The following MAGI2 variants were observed in gnomAD, a reference collection of about 807,000 sequenced individuals.
The protein encoded by MAGI2 is membrane-associated guanylate kinase, WW and PDZ domain-containing protein 2.
In MAGI2, 35 loss-of-function variants were observed where a neutral mutation model predicts 133.3. That is an observed-to-expected ratio of 0.26 (90% CI 0.20 to 0.35). The LOEUF (loss-of-function observed/expected upper bound fraction) is 0.35. Among genes scored for constraint, MAGI2 ranks in the 10% least tolerant of loss-of-function variants. The pLI is 1.00. For missense variants in MAGI2, 1,636 were observed against 1,863.4 expected (o/e 0.88, Z 2.25); for synonymous variants, 729 against 710.6 (o/e 1.03, Z -0.41).
At chr7:78,880,803 C>T (rs576362383) in intron 2 of MAGI2, among the ~76,000 whole-genome samples, 57 of 152,166 alleles carry the variant, frequency 3.7e-4, no homozygotes, top group African/African-American at 1.3e-3. Flanking sequence ...AATTAAGACC[C>T]ATTTTCCTGC....
At chr7:78,339,242 A>G (rs1371269326) in intron 9 of MAGI2, among the ~76,000 whole-genome samples, 6 of 152,228 alleles carry the variant, frequency 3.9e-5, no homozygotes, top group Non-Finnish European at 8.8e-5. Flanking sequence ...AGTTAAATGC[A>G]TAGAGGACTA....
At chr7:78,432,220 AG>A (rs1799862549) in intron 6 of MAGI2, among the ~76,000 whole-genome samples, 1 of 151,444 alleles carries the variant, frequency 6.6e-6, no homozygotes, top group Non-Finnish European at 1.5e-5. Flanking sequence ...AAAAAAAAAA[AG>A]GCAAAACTAG....
chr7:78,802,040 GTTC>G (rs1788107910), intron 2 of MAGI2, among the ~76,000 whole-genome samples: 1 of 152,088 alleles, frequency 6.6e-6, no homozygotes, highest in South Asian at 2.1e-4. Context: ...AGAGTTTTCT[GTTC>G]TTCCAGATCA....
At chr7:78,645,986 G>T (rs1176696717) in intron 2 of MAGI2, among the ~76,000 whole-genome samples, 1 of 152,114 alleles carries the variant, frequency 6.6e-6, no homozygotes, top group African/African-American at 2.4e-5. Context: ...TGAGTTGCCC[G>T]CCTTGGCCTC....
At position 78,787,749 on chromosome 7, in the gene MAGI2, C is replaced by A. The variant is rs1826956025; in HGVS notation, c.419-160510G>T. Among the ~76,000 whole-genome samples the A allele has an allele frequency of 2.0e-5, 3 of 152,214 alleles. No homozygotes were observed. The South Asian group carries it at 6.2e-4, about 32-fold the overall frequency. On this transcript the variant is annotated intron_variant, in intron 2 of 21. Coordinates refer to ENST00000354212, the MANE Select transcript of MAGI2 (RefSeq NM_012301.4). ...TTAAACTCTCACATTACAAATAAATCATCAGAAAGTGCCTAGAAGTATAGA... is the reference window on the plus strand; with the variant it reads ...TTAAACTCTCACATTACAAATAAATAATCAGAAAGTGCCTAGAAGTATAGA...
intron 2 of MAGI2, among the ~76,000 whole-genome samples, chr7:78,755,030 C>A (rs1585301698): frequency 6.6e-6 from 1 of 152,192 alleles, no homozygotes; most frequent in East Asian, 1.9e-4. Flanking sequence ...AATTTGCTTT[C>A]ATATGCACTG....
intron 16 of MAGI2, among the ~76,000 whole-genome samples, chr7:78,156,994 C>A (rs749739214): frequency 6.6e-6 from 1 of 152,132 alleles, no homozygotes; most frequent in Non-Finnish European, 1.5e-5. Context: ...CTCAGAGAGC[C>A]CAAAACCTTT....
chr7:78,031,736 T>C (rs1043655030), intron 21 of MAGI2, among the ~76,000 whole-genome samples: 1 of 152,210 alleles, frequency 6.6e-6, no homozygotes, highest in African/African-American at 2.4e-5. Context: ...AAAGTACTTA[T>C]GTCACGGGAG....
intron 6 of MAGI2, among the ~76,000 whole-genome samples, chr7:78,449,183 T>G (rs968156436): frequency 6.6e-6 from 1 of 151,980 alleles, no homozygotes. Flanking sequence ...TGGAAACATG[T>G]GTAGGCCCCT....
chr7:78,299,159 T>G (rs775203634), intron 9 of MAGI2, among the ~76,000 whole-genome samples: 1 of 152,044 alleles, frequency 6.6e-6, no homozygotes, highest in Non-Finnish European at 1.5e-5. Context: ...AAAAAGAAGG[T>G]TTATTGGGAA....
At chr7:78,970,943 C>A (rs1803736420) in intron 2 of MAGI2, among the ~76,000 whole-genome samples, 1 of 152,020 alleles carries the variant, frequency 6.6e-6, no homozygotes, top group African/African-American at 2.4e-5. Flanking sequence ...GTTTGACTTC[C>A]ATCAGCGCAG....
intron 2 of MAGI2, among the ~76,000 whole-genome samples, chr7:78,942,447 T>C (rs962648286): frequency 6.6e-6 from 1 of 152,136 alleles, no homozygotes; most frequent in Non-Finnish European, 1.5e-5. Context: ...CCATGATATA[T>C]GTGGAAACTT....
At chr7:78,992,375 A>G (rs1385829409) in intron 2 of MAGI2, among the ~76,000 whole-genome samples, 1 of 152,064 alleles carries the variant, frequency 6.6e-6, no homozygotes, top group Admixed American at 6.6e-5. Context: ...TCTCATGTTC[A>G]CTAAACTGAA....
At chr7:78,854,014 T>C (rs1043539538) in intron 2 of MAGI2, among the ~76,000 whole-genome samples, 6 of 152,076 alleles carry the variant, frequency 3.9e-5, no homozygotes, top group Admixed American at 3.9e-4. Flanking sequence ...AAGATAGAAA[T>C]ATATTCAGCA....
intron 3 of MAGI2, among the ~76,000 whole-genome samples, chr7:78,524,527 T>A (rs778265384): frequency 1.5e-4 from 23 of 152,038 alleles, no homozygotes; most frequent in Non-Finnish European, 3.1e-4. Flanking sequence ...AGAAAAAAAA[T>A]TAAGTTGTAA....
At chr7:78,819,666 T>C (rs1049204323) in intron 2 of MAGI2, among the ~76,000 whole-genome samples, 2 of 152,038 alleles carry the variant, frequency 1.3e-5, no homozygotes, top group Non-Finnish European at 2.9e-5. Context: ...GTTTAAGTTA[T>C]ATGAACAATT....
chr7:79,069,103 T>C (rs894782577), intron 1 of MAGI2, among the ~76,000 whole-genome samples: 67 of 152,152 alleles, frequency 4.4e-4, no homozygotes, highest in African/African-American at 1.6e-3. Context: ...GTTCTGTAGA[T>C]GTCTATTAGG....
rs1177727206 is a variant in MAGI2, at chr7:78,813,622, A to T, written c.419-186383T>A. ...AGCACAGTGAAACACCGTCTCTACT[A>T]GAAATGCAAAAAAATTGGCCAGGCG... On this transcript the variant is annotated intron_variant, in intron 2 of 21. Transcript: ENST00000354212. Among the ~76,000 whole-genome samples, 3 of 152,146 alleles carry T rather than the reference A, an allele frequency of 2.0e-5. No homozygotes were observed. In the East Asian group the frequency reaches 5.8e-4, roughly 30 times the overall value.
intron 20 of MAGI2, among the ~76,000 whole-genome samples, chr7:78,083,006 G>A (rs1421378461): frequency 3.1e-5 from 3 of 96,124 alleles, no homozygotes; most frequent in South Asian, 3.6e-4. Flanking sequence ...TCGACTTATC[G>A]GGGGACAGCA....
Sources: gnomAD v4.1 joint callset for allele counts (sites outside exome capture counted in the v4.1 genomes callset) on GRCh38, gnomAD v4.1.1 for gene constraint, MANE v1.5 for transcripts, NCBI Gene and HGNC (gene_info 2026-07-23, HGNC 2026-07-21) for gene names.